SASH1: variants seen among roughly 807,000 people sequenced by gnomAD.
SASH1 encodes the protein SAM and SH3 domain-containing protein 1.
SASH1 carries 44 observed loss-of-function variants against 125.2 expected under a neutral mutation model. The observed-to-expected ratio is 0.35, with a 90% CI of 0.28 to 0.45. SASH1 has a LOEUF of 0.45. Ranked by LOEUF, SASH1 falls within the 20% of genes least tolerant of loss-of-function variation. The pLI is 1.00. For missense variants in SASH1, 1,426 were observed against 1,614.5 expected (o/e 0.88, Z 2.00); for synonymous variants, 639 against 649.1 (o/e 0.98, Z 0.24).
intron 8 of SASH1, among the ~76,000 whole-genome samples, chr6:148,502,934 G>A (rs1397971319): frequency 6.6e-6 from 1 of 152,080 alleles, no homozygotes; most frequent in African/African-American, 2.4e-5. Flanking sequence ...TTTTTCTCTT[G>A]CGGTTGTCGC....
At chr6:148,393,838 G>A (rs1043284288) in intron 2 of SASH1, 28 of 447,188 alleles carry the variant, frequency 6.3e-5, no homozygotes, top group African/African-American at 1.3e-4. Flanking sequence ...TCTTTAAATT[G>A]TAGTTAGCAA....
At chr6:148,216,085 C>T in the SASH1 span, among the ~76,000 whole-genome samples, 1 of 152,128 alleles carries the variant, frequency 6.6e-6, no homozygotes, top group Non-Finnish European at 1.5e-5. Flanking sequence ...TCTTGAACTC[C>T]TGACCTCAAG....
chr6:148,281,445 A>C (rs1779339458), intron 1 of SASH1, among the ~76,000 whole-genome samples: 1 of 152,104 alleles, frequency 6.6e-6, no homozygotes, highest in Non-Finnish European at 1.5e-5. Context: ...CTCCACTAAA[A>C]CAAGGGAATG....
intron 16 of SASH1, among the ~76,000 whole-genome samples, chr6:148,537,468 T>C (rs1288387465): frequency 6.6e-6 from 1 of 152,248 alleles, no homozygotes. Context: ...GTCTTAGCCA[T>C]TTCTAAGTAT....
At chr6:148,265,768 T>G in the SASH1 span, among the ~76,000 whole-genome samples, 1 of 152,150 alleles carries the variant, frequency 6.6e-6, no homozygotes, top group Non-Finnish European at 1.5e-5. Flanking sequence ...TAGGCCTTAA[T>G]TCAGGGAACT....
chr6:148,423,455 T>G lies in SASH1; in HGVS notation c.286-16729T>G, dbSNP rs189048854. Among the ~76,000 whole-genome samples, 34 of 152,296 alleles carry G rather than the reference T, an allele frequency of 2.2e-4. No homozygotes were observed. The East Asian group carries it at 6.4e-3, about 28-fold the overall frequency. On this transcript the variant is annotated intron_variant, in intron 2 of 19. Transcript: ENST00000367467. ...AATGTCATGATAGCACCACATGATTTTACAATAGCAAAGACAACAATAATA... is the reference window on the plus strand; with the variant it reads ...AATGTCATGATAGCACCACATGATTGTACAATAGCAAAGACAACAATAATA...
At chr6:148,424,245 G>GGA (rs1562399263) in intron 2 of SASH1, among the ~76,000 whole-genome samples, 2 of 140,572 alleles carry the variant, frequency 1.4e-5, no homozygotes, top group African/African-American at 5.4e-5. Context: ...TTTTTTTTTT[G>GGA]GGGGGGGGAG....
intron 7 of SASH1, chr6:148,478,840 C>T: frequency 6.3e-6 from 1 of 158,690 alleles, no homozygotes. Context: ...AACCACCTGG[C>T]CTAGCTGCCA....
chr6:148,514,583 T>C (rs760010149), intron 9 of SASH1, 127 bp downstream of exon 9: 128 of 1,005,362 alleles, frequency 1.3e-4, no homozygotes, highest in Non-Finnish European at 1.7e-4. Context: ...CATTGAGCTC[T>C]GGCTGAATCT....
At chr6:148,409,633 A>C (rs1784534134) in intron 2 of SASH1, among the ~76,000 whole-genome samples, 1 of 152,224 alleles carries the variant, frequency 6.6e-6, no homozygotes, top group South Asian at 2.1e-4. Context: ...AGCAGCCACA[A>C]AGTATGTATC....
chr6:148,205,255 C>A, the SASH1 span, among the ~76,000 whole-genome samples: 153 of 152,296 alleles, frequency 1.0e-3, no homozygotes, highest in Admixed American at 2.0e-3. Flanking sequence ...CACTCTCCTT[C>A]GACTTGAAAT....
rs764521541 is a variant in SASH1 at position 148,543,813 on chromosome 6, A to G, written c.2343A>G (p.Gly781=). 3 of 1,614,112 alleles carry G rather than the reference A, an allele frequency of 1.9e-6. No homozygotes were observed. The East Asian group carries it at 6.7e-5, about 36-fold the overall frequency. ...AATCAGGGGATGCACTGAAGCAGGGACAGGAGGAGGGCAGGCTGGGTGGTG... is the reference window on the plus strand; with the variant it reads ...AATCAGGGGATGCACTGAAGCAGGGGCAGGAGGAGGGCAGGCTGGGTGGTG... The part of the protein sequence containing the change: ...LMKSGDALKQ[G]QEEGRLGGGL... The change falls in exon 18 of 20, where the codon GGA becomes GGG. Residue 781 remains glycine, a synonymous_variant. Coordinates refer to ENST00000367467, the MANE Select transcript of SASH1 (RefSeq NM_015278.5).
At chr6:148,425,412 G>A (rs1487021805) in intron 2 of SASH1, among the ~76,000 whole-genome samples, 2 of 152,016 alleles carry the variant, frequency 1.3e-5, no homozygotes, top group Non-Finnish European at 2.9e-5. Flanking sequence ...TAAAATGGTT[G>A]TAAAAAAGGT....
chr6:148,238,328 A>G, the SASH1 span, among the ~76,000 whole-genome samples: 1 of 151,994 alleles, frequency 6.6e-6, no homozygotes, highest in Non-Finnish European at 1.5e-5. Flanking sequence ...GGTTCAAGCG[A>G]TGCTCCTACC....
At chr6:148,282,485 G>A (rs112148090) in intron 1 of SASH1, among the ~76,000 whole-genome samples, 313 of 151,992 alleles carry the variant, frequency 2.1e-3, no homozygotes, top group African/African-American at 7.2e-3. Flanking sequence ...GGGTTCAAGC[G>A]ATTCTCCTGC....
At chr6:148,424,196 T>A (rs959309615) in intron 2 of SASH1, among the ~76,000 whole-genome samples, 14 of 151,788 alleles carry the variant, frequency 9.2e-5, no homozygotes, top group Non-Finnish European at 1.9e-4. Context: ...TTTTAAAAAA[T>A]TTTTTTTCTT....
At chr6:148,467,465 G>C (rs770147433) in intron 4 of SASH1, among the ~76,000 whole-genome samples, 6 of 152,144 alleles carry the variant, frequency 3.9e-5, no homozygotes, top group Admixed American at 2.6e-4. Flanking sequence ...GTTTTGGGCT[G>C]TGCACACTTT....
the SASH1 span, among the ~76,000 whole-genome samples, chr6:148,211,209 A>G: frequency 6.6e-6 from 1 of 152,222 alleles, no homozygotes; most frequent in Non-Finnish European, 1.5e-5. Context: ...CTAGGAATAA[A>G]TACAAAGAGA....
At chr6:148,363,234 C>T (rs1782311936) in intron 1 of SASH1, among the ~76,000 whole-genome samples, 1 of 152,202 alleles carries the variant, frequency 6.6e-6, no homozygotes, top group Non-Finnish European at 1.5e-5. Context: ...TCAGATGAAT[C>T]ACGGTGTTCT....
Sources: gnomAD v4.1 joint callset for allele counts (sites outside exome capture counted in the v4.1 genomes callset) on GRCh38, gnomAD v4.1.1 for gene constraint, MANE v1.5 for transcripts, NCBI Gene and HGNC (gene_info 2026-07-23, HGNC 2026-07-21) for gene names.